Variants in QTMAN observed in about 807,000 individuals in gnomAD.
QTMAN encodes the protein tRNA-queuosine alpha-mannosyltransferase.
the QTMAN span, among the ~76,000 whole-genome samples, chr2:144,275,360 G>A: frequency 2.0e-5 from 3 of 151,480 alleles, no homozygotes; most frequent in Non-Finnish European, 2.9e-5. Context: ...CTCCAGCCTG[G>A]GCAACAGAGT....
At chr2:143,965,977 G>C in the QTMAN span, among the ~76,000 whole-genome samples, 1 of 152,198 alleles carries the variant, frequency 6.6e-6, no homozygotes, top group East Asian at 1.9e-4. Flanking sequence ...ATCCACAGGG[G>C]ATGAATTGCA....
At chr2:144,096,364 T>C in the QTMAN span, among the ~76,000 whole-genome samples, 1 of 152,222 alleles carries the variant, frequency 6.6e-6, no homozygotes, top group Non-Finnish European at 1.5e-5. Flanking sequence ...CAGAAATTCA[T>C]TACTTTTTAT....
At chr2:144,050,922 G>T in the QTMAN span, among the ~76,000 whole-genome samples, 2 of 152,004 alleles carry the variant, frequency 1.3e-5, no homozygotes, top group African/African-American at 4.8e-5. Flanking sequence ...ATCTGTAGTT[G>T]GTTGAATCAT....
the QTMAN span, among the ~76,000 whole-genome samples, chr2:144,289,050 T>C: frequency 2.0e-5 from 3 of 148,466 alleles, no homozygotes; most frequent in Non-Finnish European, 4.5e-5. Context: ...TTTTTTTTTT[T>C]TGACATGGAG....
the QTMAN span, among the ~76,000 whole-genome samples, chr2:144,026,881 T>A: frequency 1.3e-5 from 2 of 152,226 alleles, no homozygotes; most frequent in South Asian, 4.1e-4. Context: ...AAAATTGATT[T>A]GTAAGCATTC....
the QTMAN span, among the ~76,000 whole-genome samples, chr2:143,979,895 T>C: frequency 6.6e-6 from 1 of 152,238 alleles, no homozygotes; most frequent in African/African-American, 2.4e-5. Flanking sequence ...TTTCTGTTTT[T>C]CCTGTTATCT....
chr2:144,205,204 T>A, the QTMAN span, among the ~76,000 whole-genome samples: 4 of 152,114 alleles, frequency 2.6e-5, no homozygotes, highest in East Asian at 5.8e-4. Flanking sequence ...AGACTTGAAC[T>A]CAAATCACAT....
chr2:144,172,711 C>T, the QTMAN span, among the ~76,000 whole-genome samples: 3 of 145,916 alleles, frequency 2.1e-5, no homozygotes, highest in African/African-American at 7.6e-5. Context: ...TAAAGAAAAA[C>T]ACAGTAGATA....
the QTMAN span, among the ~76,000 whole-genome samples, chr2:144,122,167 T>C: frequency 3.3e-5 from 5 of 152,182 alleles, no homozygotes; most frequent in African/African-American, 9.7e-5. Flanking sequence ...ATCAGGTTTC[T>C]TTAAGCTTCT....
the QTMAN span, among the ~76,000 whole-genome samples, chr2:144,184,738 T>C: frequency 6.6e-6 from 1 of 152,184 alleles, no homozygotes; most frequent in Non-Finnish European, 1.5e-5. Flanking sequence ...CCTTTAAGTA[T>C]CTGTTATTTC....
the QTMAN span, chr2:143,938,177 C>G: frequency 6.6e-6 from 1 of 152,178 alleles, no homozygotes; most frequent in South Asian, 2.1e-4. Context: ...GCTGCAAGCA[C>G]CAGAGAGCAC....
the QTMAN span, among the ~76,000 whole-genome samples, chr2:144,198,794 T>C: frequency 9.2e-5 from 14 of 152,274 alleles, no homozygotes; most frequent in African/African-American, 2.9e-4. Context: ...AGAATGCATA[T>C]GAACTAGAAA....
chr2:144,289,380 C>T, the QTMAN span, among the ~76,000 whole-genome samples: 1 of 152,220 alleles, frequency 6.6e-6, no homozygotes, highest in Non-Finnish European at 1.5e-5. Context: ...AGAACCCTGG[C>T]ATTATTTCCC....
the QTMAN span, among the ~76,000 whole-genome samples, chr2:144,150,351 G>T: frequency 6.6e-6 from 1 of 151,744 alleles, no homozygotes; most frequent in Admixed American, 6.6e-5. Context: ...TACTCTCTAG[G>T]ATCCTGTATT....
At chr2:144,026,765 A>G in the QTMAN span, among the ~76,000 whole-genome samples, 1 of 152,204 alleles carries the variant, frequency 6.6e-6, no homozygotes, top group East Asian at 1.9e-4. Context: ...TAATTTATGT[A>G]AAGCACTTAG....
At chr2:144,188,000 G>T in the QTMAN span, among the ~76,000 whole-genome samples, 2 of 151,416 alleles carry the variant, frequency 1.3e-5, no homozygotes, top group African/African-American at 4.9e-5. Context: ...AAGCCAAAAA[G>T]AATGTCAAGG....
the QTMAN span, among the ~76,000 whole-genome samples, chr2:144,259,953 G>A: frequency 3.3e-5 from 5 of 152,086 alleles, no homozygotes; most frequent in South Asian, 4.1e-4. Flanking sequence ...AAAATAGAAT[G>A]CAAATGTTGC....
the QTMAN span, among the ~76,000 whole-genome samples, chr2:144,286,779 A>T: frequency 6.6e-6 from 1 of 152,208 alleles, no homozygotes; most frequent in African/African-American, 2.4e-5. Context: ...TGAAGAAAGA[A>T]AAAAAATGGT....
the QTMAN span, among the ~76,000 whole-genome samples, chr2:144,307,156 T>C: frequency 3.3e-5 from 2 of 60,740 alleles, no homozygotes; most frequent in Admixed American, 3.3e-4. Context: ...CGAGACTCCG[T>C]CTTAAAAAAA....
Sources: allele counts gnomAD v4.1 joint callset (sites outside exome capture counted in the v4.1 genomes callset), GRCh38; gene constraint gnomAD v4.1.1; transcripts MANE v1.5; gene names NCBI Gene and HGNC (gene_info 2026-07-23, HGNC 2026-07-21).